The following RC3H2 variants were observed in gnomAD, a reference collection of about 807,000 sequenced individuals.
RC3H2 encodes the protein roquin-2.
In RC3H2, 31 loss-of-function variants were observed where a neutral mutation model predicts 133.3. The observed-to-expected ratio is 0.23, with a 90% CI of 0.17 to 0.31. The LOEUF is 0.31. Ranked by LOEUF, RC3H2 falls within the 10% of genes least tolerant of loss-of-function variation. RC3H2 has a pLI of 1.00. For missense variants in RC3H2, 1,175 were observed against 1,437.2 expected (o/e 0.82, Z 2.95); for synonymous variants, 517 against 502.2 (o/e 1.03, Z -0.40).
At chr9:122,856,566 T>C (rs1830256571) in intron 13 of RC3H2, among the ~76,000 whole-genome samples, 1 of 152,216 alleles carries the variant, frequency 6.6e-6, no homozygotes, top group South Asian at 2.1e-4. Context: ...AGTTTATAAT[T>C]TTCTTGAGAA....
At chr9:122,875,009 A>G (rs1268305486) in intron 9 of RC3H2, 2 of 691,084 alleles carry the variant, frequency 2.9e-6, no homozygotes, top group East Asian at 5.8e-5. Flanking sequence ...TGACTTTTTT[A>G]GTCGAACTTT....
intron 8 of RC3H2, among the ~76,000 whole-genome samples, chr9:122,878,818 G>A (rs1041344713): frequency 1.3e-5 from 2 of 151,478 alleles, no homozygotes; most frequent in Non-Finnish European, 2.9e-5. Flanking sequence ...GCGCGATCTC[G>A]GCTCACTGTA....
At chr9:122,852,575 G>A (rs1440503454) in intron 18 of RC3H2, among the ~76,000 whole-genome samples, 1 of 150,906 alleles carries the variant, frequency 6.6e-6, no homozygotes, top group Non-Finnish European at 1.5e-5. Context: ...CCGTCCGGGA[G>A]GGAGGTGTGG....
intron 4 of RC3H2, 149 bp downstream of exon 4, chr9:122,890,163 C>T (rs558331361): frequency 1.1e-4 from 77 of 679,742 alleles, no homozygotes; most frequent in African/African-American, 7.2e-4. Context: ...ACAGCAATAA[C>T]AACAACAACA....
At chr9:122,892,103 ACT>A (rs1406524532) in intron 3 of RC3H2, among the ~76,000 whole-genome samples, 1 of 151,734 alleles carries the variant, frequency 6.6e-6, no homozygotes, top group Admixed American at 6.6e-5. Context: ...AGATGCAGTG[ACT>A]CTGGTAAATT....
intron 1 of RC3H2, among the ~76,000 whole-genome samples, chr9:122,900,880 G>A (rs1035346102): frequency 1.3e-5 from 2 of 152,180 alleles, no homozygotes; most frequent in Non-Finnish European, 2.9e-5. Flanking sequence ...ATAGGAGTGA[G>A]AAATGCTAAA....
chr9:122,889,120 T>C (rs1311662204), intron 4 of RC3H2, among the ~76,000 whole-genome samples: 1 of 152,224 alleles, frequency 6.6e-6, no homozygotes, highest in Non-Finnish European at 1.5e-5. Flanking sequence ...ATTAGTCCTC[T>C]GTGTATGTTT....
At chr9:122,855,134 A>C in intron 15 of RC3H2, 50 bp downstream of exon 15, 1 of 1,116,786 alleles carries the variant, frequency 9.0e-7, no homozygotes, top group Non-Finnish European at 1.3e-6. Flanking sequence ...AAAAAAAAAA[A>C]GGCATAGTGC....
chr9:122,863,606 CCTTAAAAGCAAAGTAT>C (rs1830535299), intron 10 of RC3H2, among the ~76,000 whole-genome samples: 2 of 152,094 alleles, frequency 1.3e-5, no homozygotes, highest in Non-Finnish European at 2.9e-5. Context: ...ATCATAAATC[CCTTAAAAGCAAAGTAT>C]CTTGTATTCA....
intron 9 of RC3H2, among the ~76,000 whole-genome samples, chr9:122,865,951 C>T (rs112819739): frequency 4.6e-5 from 7 of 151,756 alleles, no homozygotes; most frequent in African/African-American, 1.7e-4. Flanking sequence ...TCAAAAAAAC[C>T]TTTTGAGGGA....
chr9:122,904,796 GA>G (rs1224374293), intron 1 of RC3H2, among the ~76,000 whole-genome samples: 1 of 152,232 alleles, frequency 6.6e-6, no homozygotes, highest in Non-Finnish European at 1.5e-5. Flanking sequence ...AACTGGTGTA[GA>G]AAAGGGAGAG....
At chr9:122,871,510 G>GGT (rs1831091505) in intron 9 of RC3H2, among the ~76,000 whole-genome samples, 1 of 151,340 alleles carries the variant, frequency 6.6e-6, no homozygotes, top group African/African-American at 2.4e-5. Context: ...TGTTAGTGGG[G>GGT]GGGGGGGTTT....
At position 122,877,565 on chromosome 9, in the gene RC3H2, A is replaced by G; in HGVS notation, c.1231T>C (p.Tyr411His). Reference protein sequence around the residue: ...ETPQPQPNSKYKTSMCRDLRQ... With the variant: ...ETPQPQPNSKHKTSMCRDLRQ... The stretch of plus-strand genomic sequence containing the variant: ...AAATCTCGGCACATGCTAGTCTTGT[A>G]TTTGCTGTTTGGCTGAGGCTACAAA... The change falls in exon 9 of 21, where the codon TAC becomes CAC. Residue 411 changes from tyrosine to histidine, a missense_variant. Transcript: ENST00000357244. 1 of 1,614,068 alleles carries G rather than the reference A, an allele frequency of 6.2e-7. No individual in the cohort carries two copies. The highest frequency in any genetic ancestry group is 8.5e-7 in the Non-Finnish European group (1 of 1,179,954).
intron 1 of RC3H2, among the ~76,000 whole-genome samples, chr9:122,902,615 C>T (rs1237767824): frequency 1.3e-5 from 2 of 152,094 alleles, no homozygotes; most frequent in Middle Eastern, 3.4e-3. Context: ...GAGGCGGAGG[C>T]GGGAGGTGGG....
intron 8 of RC3H2, among the ~76,000 whole-genome samples, chr9:122,878,300 T>C (rs567913553): frequency 6.6e-6 from 1 of 152,228 alleles, no homozygotes; most frequent in South Asian, 2.1e-4. Flanking sequence ...GGAGTCTTGC[T>C]CTGTTGCCCA....
At chr9:122,885,700 G>A (rs1004828977) in intron 4 of RC3H2, among the ~76,000 whole-genome samples, 2 of 151,938 alleles carry the variant, frequency 1.3e-5, no homozygotes, top group Non-Finnish European at 2.9e-5. Flanking sequence ...ATAATTCAGT[G>A]GTATTTACTA....
chr9:122,862,875 C>CAG (rs1171103882), intron 10 of RC3H2, among the ~76,000 whole-genome samples: 3 of 121,416 alleles, frequency 2.5e-5, no homozygotes, highest in East Asian at 2.4e-4. Context: ...ACCTGGGTGA[C>CAG]AGAGAGACTC....
At chr9:122,855,965 T>C (rs866644331) in intron 13 of RC3H2, 87 bp from the exon 14 acceptor site, 1 of 1,016,540 alleles carries the variant, frequency 9.8e-7, no homozygotes, top group African/African-American at 1.6e-5. Flanking sequence ...ATTATAGAAT[T>C]CAGAGGACTT....
At chr9:122,898,483 C>G (rs916338194) in intron 1 of RC3H2, among the ~76,000 whole-genome samples, 2 of 152,116 alleles carry the variant, frequency 1.3e-5, no homozygotes, top group African/African-American at 4.8e-5. Context: ...GGCGTGGTGG[C>G]TCACACCTAT....
Sources: gnomAD v4.1 joint callset for allele counts (sites outside exome capture counted in the v4.1 genomes callset) on GRCh38, gnomAD v4.1.1 for gene constraint, MANE v1.5 for transcripts, NCBI Gene and HGNC (gene_info 2026-07-23, HGNC 2026-07-21) for gene names.